ZNF672: variants seen among roughly 807,000 people sequenced by gnomAD.
The protein encoded by ZNF672 is zinc finger protein 672.
For missense variants in ZNF672, 733 were observed against 701.1 expected (o/e 1.05, Z -0.51); for synonymous variants, 358 against 305.6 (o/e 1.17, Z -1.79).
In ZNF672 at chr1:248,847,770, G is replaced by A; in HGVS notation, c.496G>A (p.Ala166Thr). 2 of 1,520,858 alleles carry A rather than the reference G, an allele frequency of 1.3e-6. No individual in the cohort carries two copies. 94.2% of individuals were successfully genotyped at this position (1,520,858 alleles called of 1,614,324 possible). ...CCCTGCTGCCCCACCCCACCGCTGC[G>A]CGCAGTGCCCGCGAGCCTTCCGAAG... ...SDPAAPPHRC[A>T]QCPRAFRSGA... The change falls in exon 4 of 4, where the codon GCG (alanine) becomes ACG (threonine). Residue 166 changes from alanine (A) to threonine (T), a missense_variant. By Grantham distance (58) the Ala-to-Thr change is moderately conservative. Coordinates refer to ENST00000306562, the MANE Select transcript of ZNF672 (RefSeq NM_024836.3).
chr1:248,846,205 A>G (rs1345767513), intron 3 of ZNF672, among the ~76,000 whole-genome samples: 2 of 152,236 alleles, frequency 1.3e-5, no homozygotes, highest in African/African-American at 2.4e-5. Flanking sequence ...ATCATATTCA[A>G]ACCTTCACAA....
In ZNF672 at chr1:248,847,958, G is replaced by A; in HGVS notation, c.684G>A (p.Lys228=). 1 of 1,565,608 alleles carries A rather than the reference G, an allele frequency of 6.4e-7. No individual in the cohort carries two copies. The highest frequency in any genetic ancestry group is 8.6e-7 in the Non-Finnish European group (1 of 1,156,706). ...LQTHSGEKPF[K]CPECGKGFLE... ...CGCACTCGGGGGAGAAACCCTTCAAGTGCCCGGAGTGCGGCAAGGGCTTCC... is the reference window on the plus strand; with the variant it reads ...CGCACTCGGGGGAGAAACCCTTCAAATGCCCGGAGTGCGGCAAGGGCTTCC... Residue 228 remains lysine (K), a synonymous_variant, in exon 4 of 4, where the codon AAG becomes AAA. Coordinates refer to ENST00000306562, the MANE Select transcript of ZNF672 (RefSeq NM_024836.3).
At chr1:248,843,258 G>A (rs889918905) in intron 1 of ZNF672, among the ~76,000 whole-genome samples, 2 of 152,212 alleles carry the variant, frequency 1.3e-5, no homozygotes, top group African/African-American at 4.8e-5. Flanking sequence ...GGACGAAAGG[G>A]AAACACATGT....
At position 248,847,778 on chromosome 1, in the gene ZNF672, C is replaced by T. The variant is rs1259929891; in HGVS notation, c.504C>T (p.Cys168=). The T allele has an allele frequency of 1.3e-6, 2 of 1,530,746 alleles. No homozygotes were observed. Among genetic ancestry groups the T allele is most frequent in the Non-Finnish European group, 1.8e-6 (2 of 1,141,010 alleles). The allele number at this position is 1,530,746 out of a possible 1,614,324, so 94.8% of individuals were successfully genotyped here. The part of the protein sequence containing the change: ...PAAPPHRCAQ[C]PRAFRSGAGL... ...CCCCACCCCACCGCTGCGCGCAGTG[C>T]CCGCGAGCCTTCCGAAGCGGCGCCG... Residue 168 remains cysteine, a synonymous_variant, in exon 4 of 4, where the codon TGC becomes TGT. Transcript: ENST00000306562.
chr1:248,842,983 G>A (rs1558237582), intron 1 of ZNF672, among the ~76,000 whole-genome samples: 1 of 152,070 alleles, frequency 6.6e-6, no homozygotes, highest in East Asian at 1.9e-4. Context: ...TTACCCCCTT[G>A]TCCCCTGGCT....
In ZNF672 at chr1:248,844,635, T is replaced by G; in HGVS notation, c.-322T>G. The G allele has an allele frequency of 6.6e-6, 1 of 152,238 alleles. No homozygotes were observed. Among genetic ancestry groups the G allele is most frequent in the East Asian group, 1.9e-4 (1 of 5,174 alleles). 9.4% of individuals were successfully genotyped at this position (152,238 alleles called of 1,614,324 possible). A position where few individuals can be genotyped will look rare whatever the true frequency, so the allele number is the denominator to read the frequency against. ...ACTCCGCATCCGTAATGGAAGGAAA[T>G]GGTATTGTTGTTTATATGCCGTTTA... On this transcript the variant is annotated splice_region_variant and 5_prime_UTR_variant, in exon 2 of 4. It removes an upstream start codon present in the reference 5' UTR. Coordinates refer to ENST00000306562, the MANE Select transcript of ZNF672 (RefSeq NM_024836.3).
At position 248,848,179 on chromosome 1, in the gene ZNF672, A is replaced by C; in HGVS notation, c.905A>C (p.Gln302Pro). ...FGQRSDLVVH[Q>P]RIHTGEKPFA... ...CAGCGCTCCGACCTGGTGGTGCACC[A>C]GCGCATCCACACGGGCGAGAAGCCC... The change falls in exon 4 of 4, where the codon CAG (glutamine) becomes CCG (proline). Residue 302 changes from glutamine to proline, a missense_variant. Transcript: ENST00000306562. The C allele has an allele frequency of 6.3e-7, 1 of 1,598,850 alleles. No individual in the cohort carries two copies. The highest frequency in any genetic ancestry group is 8.5e-7 in the Non-Finnish European group (1 of 1,176,486).
Position 248,849,134 on chromosome 1 carries a change from CTCTGTT to C in ZNF672, c.*506_*511del, listed in dbSNP as rs1659284968. ...TTCTTGACTCTTGGTTCCCTGTTAA[CTCTGTT>C]TCTGAGAAATGTGGGTATGGAGGTG... On this transcript the variant is annotated 3_prime_UTR_variant, in exon 4 of 4. Coordinates refer to ENST00000306562, the MANE Select transcript of ZNF672 (RefSeq NM_024836.3). 1 of 469,492 alleles carries C rather than the reference CTCTGTT, an allele frequency of 2.1e-6. No homozygotes were observed. The highest frequency in any genetic ancestry group is 4.4e-6 in the Non-Finnish European group (1 of 226,436). 29.1% of individuals were successfully genotyped at this position (469,492 alleles called of 1,614,324 possible).
chr1:248,842,976 C>T (rs1664702850), intron 1 of ZNF672, among the ~76,000 whole-genome samples: 1 of 152,166 alleles, frequency 6.6e-6, no homozygotes, highest in African/African-American at 2.4e-5. Context: ...TGGCATTTTA[C>T]CCCCTTGTCC....
At chr1:248,843,928 C>T (rs1325692355) in intron 1 of ZNF672, among the ~76,000 whole-genome samples, 5 of 152,150 alleles carry the variant, frequency 3.3e-5, no homozygotes, top group Non-Finnish European at 5.9e-5. Flanking sequence ...CAGCCCTATT[C>T]CCTGCTGCCC....
At chr1:248,842,327 T>C (rs1664691752) in intron 1 of ZNF672, among the ~76,000 whole-genome samples, 1 of 152,212 alleles carries the variant, frequency 6.6e-6, no homozygotes, top group Admixed American at 6.5e-5. Context: ...TCCAGATACA[T>C]TCTTTTGAAA....
chr1:248,841,670 C>T (rs534627505), intron 1 of ZNF672, among the ~76,000 whole-genome samples: 1 of 152,332 alleles, frequency 6.6e-6, no homozygotes, highest in South Asian at 2.1e-4. Flanking sequence ...ACCTGTAATG[C>T]CAGCACTTTG....
chr1:248,838,267 AGTGGTTGGTACG>A lies in ZNF672; in HGVS notation c.-758_-747del, dbSNP rs1664606186. ...GCTCCAGCTGGGGCCGGAGAGGCTG[AGTGGTTGGTACG>A]CTGCTCGCTGGCCTCCCAGTCTTCC... On this transcript the variant is annotated 5_prime_UTR_variant, in exon 1 of 4. Transcript: ENST00000306562. 6.6e-6 allele frequency: 1 copy of A among 152,234 alleles called. No individual in the cohort carries two copies. The highest frequency in any genetic ancestry group is 1.5e-5 in the Non-Finnish European group (1 of 68,108). The allele number at this position is 152,234 out of a possible 1,614,324, so 9.4% of individuals were successfully genotyped here.
At chr1:248,843,777 TA>T (rs373358384) in intron 1 of ZNF672, among the ~76,000 whole-genome samples, 275 of 152,382 alleles carry the variant, frequency 1.8e-3, no homozygotes, top group African/African-American at 6.3e-3. Context: ...CATTCTTTTT[TA>T]ATACTAAGTC....
Position 248,847,341 on chromosome 1 carries a change from T to C in ZNF672, c.67T>C (p.Phe23Leu). ...CTCGTGCAGCGAATGTGGCAAGAGC[T>C]TCTGCTACAGCTCAGTGCTGCTGCG... ...PYSCSECGKS[F>L]CYSSVLLRHE... Residue 23 changes from phenylalanine (F) to leucine (L), a missense_variant, in exon 4 of 4, where the codon TTC (phenylalanine) becomes CTC (leucine). By Grantham distance (22) the Phe-to-Leu change is conservative. Transcript: ENST00000306562. 6.2e-7 allele frequency: 1 copy of C among 1,612,728 alleles called. No individual in the cohort carries two copies. The highest frequency in any genetic ancestry group is 8.5e-7 in the Non-Finnish European group (1 of 1,178,974).
chr1:248,847,153 C>T lies in ZNF672; in HGVS notation c.-122C>T, dbSNP rs1001452097. 7.4e-7 allele frequency: 1 copy of T among 1,355,038 alleles called. No homozygotes were observed. The highest frequency in any genetic ancestry group is 2.5e-5 in the Admixed American group (1 of 39,620). 83.9% of individuals were successfully genotyped at this position (1,355,038 alleles called of 1,614,324 possible). ...GAAATCAGACCAGTTTTTGCGGCCT[C>T]CCCCTTTCCTCTCTGTTACAGTGCC... On this transcript the variant is annotated 5_prime_UTR_variant, in exon 4 of 4. Coordinates refer to ENST00000306562, the MANE Select transcript of ZNF672 (RefSeq NM_024836.3).
intron 1 of ZNF672, among the ~76,000 whole-genome samples, chr1:248,844,227 T>C (rs770990417): frequency 1.3e-5 from 2 of 152,240 alleles, no homozygotes; most frequent in Non-Finnish European, 2.9e-5. Flanking sequence ...GTTTCGGGTT[T>C]TTTTAGTTAT....
chr1:248,848,631 T>C lies in ZNF672; in HGVS notation c.1357T>C (p.Ter453GlnextTer6), dbSNP rs1222039363. ...EQEKPGFSVS[*>Q] is the part of the protein sequence containing the mutation. ...GGAAAAGCCAGGGTTCTCTGTGTCCTAGTTGAGGGAGGCTTGCTGAGGCTT... is the reference window on the plus strand; with the variant it reads ...GGAAAAGCCAGGGTTCTCTGTGTCCCAGTTGAGGGAGGCTTGCTGAGGCTT... Residue 453 changes from the stop codon to glutamine, a stop_lost, in exon 4 of 4, where the codon TAG becomes CAG. Transcript: ENST00000306562. 1 of 1,566,400 alleles carries C rather than the reference T, an allele frequency of 6.4e-7. No individual in the cohort carries two copies. The highest frequency in any genetic ancestry group is 8.7e-7 in the Non-Finnish European group (1 of 1,155,022).
At chr1:248,845,307 A>G (rs1664739662) in intron 2 of ZNF672, among the ~76,000 whole-genome samples, 1 of 152,098 alleles carries the variant, frequency 6.6e-6, no homozygotes, top group Admixed American at 6.6e-5. Flanking sequence ...TAAAAATCAT[A>G]CTAATCATAC....
Sources: gnomAD v4.1 joint callset for allele counts (sites outside exome capture counted in the v4.1 genomes callset) on GRCh38, gnomAD v4.1.1 for gene constraint, MANE v1.5 for transcripts, NCBI Gene and HGNC (gene_info 2026-07-23, HGNC 2026-07-21) for gene names.